ATP2C1: variants seen among roughly 807,000 people sequenced by gnomAD.
ATP2C1 encodes ATPase secretory pathway Ca2+ transporting 1.
Under a neutral mutation model 120.5 loss-of-function variants are expected in ATP2C1, and 31 were observed. That is an observed-to-expected ratio of 0.26 (90% CI 0.19 to 0.35). The LOEUF is 0.35. Ranked by LOEUF, ATP2C1 falls within the 10% of genes least tolerant of loss-of-function variation. ATP2C1 has a pLI of 1.00. For missense variants in ATP2C1, 731 were observed against 1,107.5 expected (o/e 0.66, Z 4.83); for synonymous variants, 351 against 358.7 (o/e 0.98, Z 0.24).
chr3:130,878,724 A>T (rs62280757), intron 1 of ATP2C1, among the ~76,000 whole-genome samples: 1 of 152,082 alleles, frequency 6.6e-6, no homozygotes, highest in African/African-American at 2.4e-5. Context: ...CTCCTGGCCT[A>T]TAAGGTTTCT....
At chr3:130,979,913 C>T (rs1260549959) in intron 19 of ATP2C1, among the ~76,000 whole-genome samples, 1 of 152,140 alleles carries the variant, frequency 6.6e-6, no homozygotes, top group East Asian at 1.9e-4. Flanking sequence ...AAGTTAATTT[C>T]CCAGAGCCTC....
At chr3:130,988,319 C>G (rs1487725485) in intron 20 of ATP2C1, among the ~76,000 whole-genome samples, 2 of 152,086 alleles carry the variant, frequency 1.3e-5, no homozygotes, top group Non-Finnish European at 2.9e-5. Context: ...ATCAAAAGAA[C>G]TGTGAGTGCT....
In ATP2C1 at chr3:131,002,200, T is replaced by C; in HGVS notation, c.*850T>C. 1 of 970,332 alleles carries C rather than the reference T, an allele frequency of 1.0e-6. No homozygotes were observed. The highest frequency in any genetic ancestry group is 1.2e-6 in the Non-Finnish European group (1 of 816,258). 60.1% of individuals were successfully genotyped at this position (970,332 alleles called of 1,614,324 possible). A position where few individuals can be genotyped will look rare whatever the true frequency, so the allele number is the denominator to read the frequency against. ...TCTTCCTTTTTGAGGTAAAGATATA[T>C]ACTTTGTCAAATATCATTTTGTCAT... On this transcript the variant is annotated 3_prime_UTR_variant, in exon 28 of 28. Coordinates refer to ENST00000510168, the MANE Select transcript of ATP2C1 (RefSeq NM_001378687.1).
In ATP2C1 at chr3:130,953,929, A is replaced by G. The variant is rs780531756; in HGVS notation, c.640A>G (p.Ser214Gly). ...AATNGDLASR[S>G]NIAFMGTLVR... ...AACTAATGGAGATCTTGCATCGAGA[A>G]GTAACATTGCCTTTATGGGAACACT... The change falls in exon 9 of 28, where the codon AGT becomes GGT. Residue 214 changes from serine (S) to glycine (G), a missense_variant. Ser to Gly is a moderately conservative substitution (Grantham distance 56, BLOSUM62 0). This residue lies in a region of ATP2C1 where 571 missense variants were observed against 845.9 expected (regional missense o/e 0.67). Coordinates refer to ENST00000510168, the MANE Select transcript of ATP2C1 (RefSeq NM_001378687.1). 1 of 1,614,020 alleles carries G rather than the reference A, an allele frequency of 6.2e-7. No homozygotes were observed. Among genetic ancestry groups the G allele is most frequent in the Non-Finnish European group, 8.5e-7 (1 of 1,179,986 alleles).
At chr3:130,855,656 G>A (rs74452938) in intron 1 of ATP2C1, among the ~76,000 whole-genome samples, 29 of 152,270 alleles carry the variant, frequency 1.9e-4, no homozygotes, top group Non-Finnish European at 3.4e-4. Context: ...GAACCCCTAA[G>A]CAGAGATGTA....
chr3:130,854,963 C>T (rs2067790000), intron 1 of ATP2C1, among the ~76,000 whole-genome samples: 5 of 152,198 alleles, frequency 3.3e-5, no homozygotes, highest in Admixed American at 3.3e-4. Flanking sequence ...TCCAAACATG[C>T]TCCTCCCCAG....
chr3:130,941,714 T>C lies in ATP2C1; in HGVS notation c.531+15T>C, dbSNP rs2059927981. 1.3e-6 allele frequency: 2 copies of C among 1,580,994 alleles called. No homozygotes were observed. The highest frequency in any genetic ancestry group is 2.2e-5 in the East Asian group (1 of 44,720). The stretch of plus-strand genomic sequence containing the variant: ...GCTTGTTTGAGGTAAATTTGGGATC[T>C]GATTGTAATAAGTGAAAATACGTGG... On this transcript the variant is annotated intron_variant, in intron 8 of 27. Coordinates refer to ENST00000510168, the MANE Select transcript of ATP2C1 (RefSeq NM_001378687.1).
chr3:130,862,542 G>A (rs1559867263), intron 1 of ATP2C1, among the ~76,000 whole-genome samples: 2 of 152,056 alleles, frequency 1.3e-5, no homozygotes, highest in African/African-American at 4.8e-5. Flanking sequence ...CCCTGACATA[G>A]TTAATTGTTT....
At chr3:130,918,116 A>C (rs923923879) in intron 2 of ATP2C1, 5 of 706,248 alleles carry the variant, frequency 7.1e-6, no homozygotes, top group Non-Finnish European at 1.0e-5. Flanking sequence ...GGTAATATAT[A>C]GTACTTAATG....
intron 1 of ATP2C1, among the ~76,000 whole-genome samples, chr3:130,861,977 A>T (rs2068027488): frequency 6.6e-6 from 1 of 152,116 alleles, no homozygotes; most frequent in East Asian, 1.9e-4. Context: ...TTTTTTAATT[A>T]AAAAAATTTT....
intron 23 of ATP2C1, 35 bp from the exon 24 acceptor site, chr3:130,996,645 T>C (rs2062635343): frequency 1.5e-6 from 2 of 1,333,100 alleles, no homozygotes; most frequent in South Asian, 1.2e-5. Context: ...AGATTTACTC[T>C]ACTGATATTT....
intron 2 of ATP2C1, among the ~76,000 whole-genome samples, chr3:130,925,684 A>G (rs992230444): frequency 4.6e-5 from 7 of 152,100 alleles, no homozygotes; most frequent in South Asian, 2.1e-4. Flanking sequence ...TAGAGCTCCC[A>G]AGAGATTATG....
chr3:130,963,987 A>G lies in ATP2C1; in HGVS notation c.916A>G (p.Ile306Val). ...TGGTTATAGTTTGGCTGTAGCAGCA[A>G]TTCCTGAAGGTCTCCCCATTGTGGT... ...TISVSLAVAA[I>V]PEGLPIVVTV... is the part of the protein sequence containing the mutation. The change falls in exon 13 of 28, where the codon ATT (isoleucine) becomes GTT (valine). Residue 306 changes from isoleucine (I) to valine (V), a missense_variant. Around this residue, in one of 3 missense-constraint regions of ATP2C1, gnomAD observed 571 missense variants for 845.9 expected, o/e 0.67. Coordinates refer to ENST00000510168, the MANE Select transcript of ATP2C1 (RefSeq NM_001378687.1). The G allele has an allele frequency of 1.2e-6, 2 of 1,612,794 alleles. No individual in the cohort carries two copies. The highest frequency in any genetic ancestry group is 1.7e-6 in the Non-Finnish European group (2 of 1,179,002).
At chr3:130,972,310 G>A (rs950688148) in intron 17 of ATP2C1, among the ~76,000 whole-genome samples, 2 of 152,020 alleles carry the variant, frequency 1.3e-5, no homozygotes, top group African/African-American at 4.8e-5. Context: ...CCTGGGAGTT[G>A]GGGAGCCCTG....
intron 1 of ATP2C1, among the ~76,000 whole-genome samples, chr3:130,859,860 A>C (rs1270354411): frequency 6.6e-6 from 1 of 152,190 alleles, no homozygotes; most frequent in Admixed American, 6.5e-5. Context: ...TATTAGAATA[A>C]GAAATTGAAT....
intron 1 of ATP2C1, among the ~76,000 whole-genome samples, chr3:130,881,984 A>G (rs1433182722): frequency 1.3e-5 from 2 of 152,190 alleles, no homozygotes; most frequent in Non-Finnish European, 2.9e-5. Context: ...ATATATAGTC[A>G]TATCATCTGC....
intron 20 of ATP2C1, among the ~76,000 whole-genome samples, chr3:130,989,623 C>T (rs933954090): frequency 2.0e-5 from 3 of 151,652 alleles, no homozygotes; most frequent in East Asian, 3.9e-4. Context: ...ACTCATGAGC[C>T]GCTTGCTCGA....
At chr3:130,906,020 C>A (rs762824737) in intron 2 of ATP2C1, among the ~76,000 whole-genome samples, 1 of 152,076 alleles carries the variant, frequency 6.6e-6, no homozygotes, top group Non-Finnish European at 1.5e-5. Flanking sequence ...AATACTAATT[C>A]TCTCATAGCT....
chr3:130,921,079 CTT>C (rs1170193033), intron 2 of ATP2C1, among the ~76,000 whole-genome samples: 11 of 128,570 alleles, frequency 8.6e-5, no homozygotes, highest in South Asian at 2.5e-4. Context: ...AGTTTTCTTT[CTT>C]TTTTTTTTTT....
Sources: allele counts gnomAD v4.1 joint callset (sites outside exome capture counted in the v4.1 genomes callset), GRCh38; gene constraint gnomAD v4.1.1; regional missense constraint gnomAD v4.1.1; transcripts MANE v1.5; gene names NCBI Gene and HGNC (gene_info 2026-07-23, HGNC 2026-07-21).